Variants in PTPN11 observed in about 807,000 individuals in gnomAD.
PTPN11 encodes protein tyrosine phosphatase non-receptor type 11.
In PTPN11, 6 loss-of-function variants were observed where a neutral mutation model predicts 78.8. That is an observed-to-expected ratio of 0.08 (90% CI 0.04 to 0.15). The LOEUF (loss-of-function observed/expected upper bound fraction) is 0.15, where lower values mean the gene tolerates loss of function less well. PTPN11 is among the 10% of genes least tolerant of loss of function. The pLI, the probability that PTPN11 is intolerant of heterozygous loss-of-function variation, is 1.00. For synonymous variants in PTPN11, 221 were observed against 263.5 expected, an observed-to-expected ratio of 0.84 and a Z score of 1.56; for missense variants, 386 against 744.8, an observed-to-expected ratio of 0.52 and a Z score of 5.61.
At chr12:112,421,091 G>T (rs1056631679) in intron 1 of PTPN11, among the ~76,000 whole-genome samples, 2 of 152,168 alleles carry the variant, frequency 1.3e-5, no homozygotes, top group African/African-American at 4.8e-5. Context: ...AAGTGGTAAA[G>T]ATGACAGTTT....
intron 7 of PTPN11, 100 bp downstream of exon 7, chr12:112,473,140 T>C: frequency 1.0e-6 from 1 of 962,230 alleles, no homozygotes. Flanking sequence ...TGTTAGCACA[T>C]CGGAGGCCTT....
intron 13 of PTPN11, among the ~76,000 whole-genome samples, chr12:112,499,943 T>TAAAAAAAA (rs529382859): frequency 1.7e-5 from 2 of 117,284 alleles, no homozygotes; most frequent in African/African-American, 6.4e-5. Flanking sequence ...CCCTGTCTCT[T>TAAAAAAAA]AAAAAAAAAA....
chr12:112,500,586 A>G (rs2038863234), intron 13 of PTPN11, among the ~76,000 whole-genome samples: 1 of 152,106 alleles, frequency 6.6e-6, no homozygotes, highest in Non-Finnish European at 1.5e-5. Flanking sequence ...TATCAGGCAA[A>G]AAATTATTTT....
chr12:112,468,503 T>C (rs2038364327), intron 6 of PTPN11, among the ~76,000 whole-genome samples: 1 of 152,158 alleles, frequency 6.6e-6, no homozygotes. Flanking sequence ...GGAAATGAAA[T>C]ATGTTTAGGC....
Position 112,428,396 on chromosome 12 carries a change from CTTTTTTTTT to C in PTPN11, c.14+9284_14+9292del, listed in dbSNP as rs11312766. ...ATGGGGAGTTCAAGCTGTGTGTTGTCTTTTTTTTTTTTTTTTTTTTTGCCTCACTTACTA... is the reference window on the plus strand; with the variant it reads ...ATGGGGAGTTCAAGCTGTGTGTTGTCTTTTTTTTTTTTGCCTCACTTACTA... On this transcript the variant is annotated intron_variant, in intron 1 of 15. Transcript: ENST00000351677. 1.3e-3 allele frequency among the ~76,000 whole-genome samples: 107 copies of C among 84,490 alleles called. 1 individual carries two copies. Among genetic ancestry groups the C allele is most frequent in the South Asian group, 7.0e-3 (16 of 2,290 alleles). 55.4% of individuals were successfully genotyped at this position (84,490 alleles called of 152,430 possible).
At position 112,482,167 on chromosome 12, in the gene PTPN11, T is replaced by C; in HGVS notation, c.1186T>C (p.Tyr396His). The C allele has an allele frequency of 1.2e-6, 2 of 1,613,856 alleles. No individual in the cohort carries two copies. Among genetic ancestry groups the C allele is most frequent in the Non-Finnish European group, 1.7e-6 (2 of 1,179,738 alleles). ...CGTCAAAGAAAGCGCCGCTCATGAC[T>C]ATACGCTAAGAGAACTTAAACTTTC... is the stretch of plus-strand genomic sequence containing the variant. ...RNVKESAAHD[Y>H]TLRELKLSKV... The change falls in exon 10 of 16, where the codon TAT (tyrosine) becomes CAT (histidine). Residue 396 changes from tyrosine to histidine, a missense_variant. Transcript: ENST00000351677. This position sits in a 1 kb window ranked among gnomAD's most constrained non-coding sequence, Gnocchi z 4.4.
At chr12:112,492,789 T>C (rs1350308867) in intron 13 of PTPN11, among the ~76,000 whole-genome samples, 1 of 152,196 alleles carries the variant, frequency 6.6e-6, no homozygotes, top group Non-Finnish European at 1.5e-5. Context: ...AGTGCTGGGA[T>C]TACAGATGTG....
At chr12:112,489,317 C>T in intron 13 of PTPN11, 142 bp downstream of exon 13, 2 of 988,094 alleles carry the variant, frequency 2.0e-6, no homozygotes, top group South Asian at 2.6e-5. Context: ...CTAAAAGGGC[C>T]TCTGGAAACT....
In PTPN11 at chr12:112,484,480, C is replaced by T. The variant is rs188280205; in HGVS notation, c.1225-1995C>T. Among the ~76,000 whole-genome samples the T allele has an allele frequency of 2.4e-3, 370 of 152,120 alleles. 1 individual carries two copies. The highest frequency in any genetic ancestry group is 7.2e-3 in the African/African-American group (297 of 41,504). On this transcript the variant is annotated intron_variant, in intron 10 of 15. Transcript: ENST00000351677. ...TCCCCAGAGCACGGGGACTCCTGGC[C>T]GGATGAGGGGGACAGGGGCAGGAGG...
At chr12:112,426,309 T>C (rs1241405687) in intron 1 of PTPN11, among the ~76,000 whole-genome samples, 1 of 151,992 alleles carries the variant, frequency 6.6e-6, no homozygotes, top group African/African-American at 2.4e-5. Flanking sequence ...CAGGCTGGAG[T>C]GCAGTGGCAC....
chr12:112,422,163 C>T (rs941771005), intron 1 of PTPN11, among the ~76,000 whole-genome samples: 2 of 152,114 alleles, frequency 1.3e-5, no homozygotes, highest in Non-Finnish European at 2.9e-5. Context: ...AGAAGGTGAT[C>T]GTGTGAGCTG....
intron 11 of PTPN11, among the ~76,000 whole-genome samples, chr12:112,487,650 A>G (rs1423134723): frequency 6.6e-6 from 1 of 152,180 alleles, no homozygotes; most frequent in African/African-American, 2.4e-5. Flanking sequence ...GGGCAAGTAG[A>G]TATATGTGAA....
intron 1 of PTPN11, among the ~76,000 whole-genome samples, chr12:112,442,833 TATA>T (rs2037919022): frequency 2.9e-4 from 5 of 17,002 alleles, no homozygotes; most frequent in South Asian, 9.3e-3. Flanking sequence ...TCTCTTTTTA[TATA>T]TATATATATA....
intron 2 of PTPN11, 139 bp downstream of exon 2, chr12:112,446,537 A>G (rs2037996956): frequency 1.6e-6 from 2 of 1,221,550 alleles, no homozygotes; most frequent in Non-Finnish European, 1.2e-6. Context: ...GGGTTTGGGG[A>G]GTGGCCTCCT....
intron 10 of PTPN11, among the ~76,000 whole-genome samples, chr12:112,485,255 A>G (rs1251846597): frequency 1.3e-5 from 2 of 151,400 alleles, no homozygotes; most frequent in Non-Finnish European, 3.0e-5. Context: ...CTCTGTCTCA[A>G]AAAAAAAAGT....
chr12:112,489,469 G>A (rs1178587704), intron 13 of PTPN11, among the ~76,000 whole-genome samples: 3 of 152,152 alleles, frequency 2.0e-5, no homozygotes, highest in Admixed American at 6.6e-5. Flanking sequence ...TGTGGCAAGC[G>A]TAAAACTCAA....
intron 1 of PTPN11, among the ~76,000 whole-genome samples, chr12:112,445,683 C>T (rs1263413492): frequency 6.6e-6 from 1 of 150,454 alleles, no homozygotes; most frequent in Non-Finnish European, 1.5e-5. Flanking sequence ...CTCTTGTTGC[C>T]CAAGCTGGAG....
In PTPN11 at chr12:112,472,157, CA is replaced by C. The variant is rs1001507010; in HGVS notation, c.757-786del. Reference sequence around the variant, plus strand: ...TTTTTTTAAAGAAAAAAAATTAAAACATTTTTTTCTTTTTAAGATAGCGTCT... The same window carrying C: ...TTTTTTTAAAGAAAAAAAATTAAAACTTTTTTTCTTTTTAAGATAGCGTCT... On this transcript the variant is annotated intron_variant, in intron 6 of 15. Transcript: ENST00000351677. Among the ~76,000 whole-genome samples the C allele has an allele frequency of 1.1e-3, 161 of 152,054 alleles. 1 individual carries two copies. The highest frequency in any genetic ancestry group is 3.4e-3 in the African/African-American group (142 of 41,476).
At position 112,507,629 on chromosome 12, in the gene PTPN11, T is replaced by G. The variant is rs953617492; in HGVS notation, c.*1837T>G. On this transcript the variant is annotated 3_prime_UTR_variant, in exon 16 of 16. Transcript: ENST00000351677. The stretch of plus-strand genomic sequence containing the variant: ...TTCAATGAAAATATCATTGGTTGAC[T>G]TTTGTGATGGTAATAATGCTATGGC... 2 of 152,806 alleles carry G rather than the reference T, an allele frequency of 1.3e-5. No homozygotes were observed. Among genetic ancestry groups the G allele is most frequent in the African/African-American group, 4.8e-5 (2 of 41,462 alleles). 9.5% of individuals were successfully genotyped at this position (152,806 alleles called of 1,614,324 possible).
Sources: gnomAD v4.1 joint callset for allele counts (sites outside exome capture counted in the v4.1 genomes callset) on GRCh38, gnomAD v4.1.1 for gene constraint, Gnocchi (gnomAD v3.1) non-coding constraint, MANE v1.5 for transcripts, NCBI Gene and HGNC (gene_info 2026-07-23, HGNC 2026-07-21) for gene names.